TEAD1: variants seen among roughly 807,000 people sequenced by gnomAD.
TEAD1 encodes TEA domain transcription factor 1, also known as transcriptional enhancer factor TEF-1.
Under a neutral mutation model 54.9 loss-of-function variants are expected in TEAD1, and 9 were observed. The observed-to-expected ratio is 0.16, with a 90% CI of 0.10 to 0.29. TEAD1 has a LOEUF of 0.29. Among genes scored for constraint, TEAD1 ranks in the 10% least tolerant of loss-of-function variants. The pLI, the probability that TEAD1 is intolerant of heterozygous loss-of-function variation, is 1.00. For synonymous variants in TEAD1, 200 were observed against 187.8 expected (o/e 1.07, Z -0.53); for missense variants, 387 against 535.9 (o/e 0.72, Z 2.74).
At chr11:12,912,774 A>G (rs1362994246) in intron 10 of TEAD1, among the ~76,000 whole-genome samples, 1 of 152,084 alleles carries the variant, frequency 6.6e-6, no homozygotes, top group Non-Finnish European at 1.5e-5. Flanking sequence ...TTGACTCTGA[A>G]GTCTTCAGGG....
chr11:12,876,414 T>G (rs1024703449), intron 5 of TEAD1, among the ~76,000 whole-genome samples: 5 of 152,090 alleles, frequency 3.3e-5, no homozygotes, highest in African/African-American at 7.2e-5. Context: ...CCCACCCAAG[T>G]GTGCACAAAC....
chr11:12,820,103 C>T (rs897578319), intron 3 of TEAD1, among the ~76,000 whole-genome samples: 5 of 152,082 alleles, frequency 3.3e-5, no homozygotes, highest in Admixed American at 6.5e-5. Context: ...GTGTGCCATA[C>T]TGTGGAATAT....
At chr11:12,873,591 G>A (rs1947797882) in intron 5 of TEAD1, among the ~76,000 whole-genome samples, 1 of 152,228 alleles carries the variant, frequency 6.6e-6, no homozygotes, top group African/African-American at 2.4e-5. Context: ...TAGGCAGCGA[G>A]TCAGGAGAAG....
intron 4 of TEAD1, chr11:12,864,634 TTTG>T: frequency 7.9e-7 from 1 of 1,263,422 alleles, no homozygotes; most frequent in South Asian, 1.6e-5. Flanking sequence ...TTTGTTTTGT[TTTG>T]TTTTGTTTTG....
At chr11:12,914,153 A>G (rs1201917269) in intron 10 of TEAD1, among the ~76,000 whole-genome samples, 1 of 152,198 alleles carries the variant, frequency 6.6e-6, no homozygotes, top group Non-Finnish European at 1.5e-5. Context: ...AAATGCTGGT[A>G]TTTGTAGGAA....
At chr11:12,719,846 C>T (rs993693914) in intron 2 of TEAD1, among the ~76,000 whole-genome samples, 3 of 151,118 alleles carry the variant, frequency 2.0e-5, no homozygotes, top group African/African-American at 7.3e-5. Context: ...AGGGCATAGC[C>T]TCCTGAAAGA....
intron 3 of TEAD1, among the ~76,000 whole-genome samples, chr11:12,781,951 CAAAAAA>C (rs71454001): frequency 9.2e-5 from 6 of 65,422 alleles, no homozygotes; most frequent in Non-Finnish European, 1.6e-4. Flanking sequence ...CTCGTCTGTA[CAAAAAA>C]AAAAAAAAAA....
intron 10 of TEAD1, chr11:12,921,067 A>T (rs1948796394): frequency 6.6e-6 from 1 of 152,230 alleles, no homozygotes; most frequent in Admixed American, 6.5e-5. Flanking sequence ...TTTGTGTGAT[A>T]AAGGAGGAAT....
intron 3 of TEAD1, among the ~76,000 whole-genome samples, chr11:12,859,305 TGAGG>T (rs1467513364): frequency 6.6e-6 from 1 of 152,210 alleles, no homozygotes; most frequent in African/African-American, 2.4e-5. Context: ...TAAACAAGTT[TGAGG>T]GTAGGAGACA....
chr11:12,704,857 T>G (rs987273330), intron 2 of TEAD1, among the ~76,000 whole-genome samples: 1 of 152,222 alleles, frequency 6.6e-6, no homozygotes, highest in African/African-American at 2.4e-5. Flanking sequence ...CTTATTCATT[T>G]TTGGCATCTT....
chr11:12,788,207 G>A (rs1022756391), intron 3 of TEAD1, among the ~76,000 whole-genome samples: 16 of 151,190 alleles, frequency 1.1e-4, no homozygotes, highest in African/African-American at 3.9e-4. Flanking sequence ...CGCGACCTTG[G>A]CTCACTGCAA....
intron 2 of TEAD1, among the ~76,000 whole-genome samples, chr11:12,705,518 G>C (rs1340574875): frequency 6.6e-6 from 1 of 152,116 alleles, no homozygotes; most frequent in African/African-American, 2.4e-5. Context: ...TTGCATTTGT[G>C]TGAGTTTATG....
intron 3 of TEAD1, among the ~76,000 whole-genome samples, chr11:12,799,275 C>T (rs1418879249): frequency 6.6e-6 from 1 of 152,346 alleles, no homozygotes; most frequent in Non-Finnish European, 1.5e-5. Flanking sequence ...CATTATCCCA[C>T]TTCACAGATA....
At chr11:12,714,456 C>T (rs1055961126) in intron 2 of TEAD1, among the ~76,000 whole-genome samples, 21 of 151,984 alleles carry the variant, frequency 1.4e-4, no homozygotes, top group Admixed American at 2.0e-4. Flanking sequence ...CGGTGGTGGA[C>T]CACACCTGGC....
chr11:12,890,993 G>C (rs11022534), intron 9 of TEAD1, among the ~76,000 whole-genome samples: 79,711 of 151,950 alleles, frequency 0.52, 21,527 homozygotes, highest in Admixed American at 0.57. Context: ...TCAAACTCCT[G>C]ACCTCAAATG....
chr11:12,710,201 G>A (rs1290275824), intron 2 of TEAD1, among the ~76,000 whole-genome samples: 1 of 152,070 alleles, frequency 6.6e-6, no homozygotes, highest in Non-Finnish European at 1.5e-5. Context: ...CTTCACACCT[G>A]TAGTCTCAGC....
At chr11:12,926,550 A>G (rs1214577141) in intron 11 of TEAD1, among the ~76,000 whole-genome samples, 1 of 152,198 alleles carries the variant, frequency 6.6e-6, no homozygotes, top group Non-Finnish European at 1.5e-5. Context: ...TAAGGTGTTC[A>G]AGAGGAAATA....
chr11:12,705,318 T>TA (rs905968849), intron 2 of TEAD1, among the ~76,000 whole-genome samples: 1 of 152,176 alleles, frequency 6.6e-6, no homozygotes, highest in Non-Finnish European at 1.5e-5. Flanking sequence ...TAAAGGAAAA[T>TA]ACACTTGTAG....
chr11:12,893,060 A>C (rs1948230923), intron 9 of TEAD1, among the ~76,000 whole-genome samples: 2 of 152,220 alleles, frequency 1.3e-5, no homozygotes, highest in South Asian at 4.1e-4. Flanking sequence ...AACTTGCCTC[A>C]AGCCACTCAG....
Sources: gnomAD v4.1 joint callset for allele counts (sites outside exome capture counted in the v4.1 genomes callset) on GRCh38, gnomAD v4.1.1 for gene constraint, MANE v1.5 for transcripts, NCBI Gene and HGNC (gene_info 2026-07-23, HGNC 2026-07-21) for gene names.